FZD3: variants seen among roughly 807,000 people sequenced by gnomAD.
The protein encoded by FZD3 is frizzled class receptor 3.
FZD3 carries 30 observed loss-of-function variants against 60.7 expected under a neutral mutation model. That is an observed-to-expected ratio of 0.49 (90% CI 0.37 to 0.67). The LOEUF (loss-of-function observed/expected upper bound fraction) is 0.67. Ranked by LOEUF, FZD3 falls within the 30% of genes least tolerant of loss-of-function variation. The pLI is 0.00. For synonymous variants in FZD3, 246 were observed against 275.2 expected, an observed-to-expected ratio of 0.89 and a Z score of 1.05; for missense variants, 605 against 838.7, an observed-to-expected ratio of 0.72 and a Z score of 3.44.
chr8:28,562,927 A>C lies in FZD3; in HGVS notation c.1917A>C (p.Arg639Ser). 3.7e-6 allele frequency: 6 copies of C among 1,613,438 alleles called. No homozygotes were observed. Among genetic ancestry groups the C allele is most frequent in the Non-Finnish European group, 5.1e-6 (6 of 1,179,318 alleles). Residue 639 changes from arginine to serine, a missense_variant, in exon 8 of 8, where the codon AGA (arginine) becomes AGC (serine). Physicochemically the swap from Arg to Ser is moderately radical, Grantham distance 110 (BLOSUM62 -1). Transcript: ENST00000240093. Reference sequence around the variant, plus strand: ...AACAGTCACGACATAGCAGCATCAGAGATCTCAGTAATAATCCCATGACTC... The same window carrying C: ...AACAGTCACGACATAGCAGCATCAGCGATCTCAGTAATAATCCCATGACTC... The part of the protein sequence containing the change: ...LNEQSRHSSI[R>S]DLSNNPMTHI...
At chr8:28,523,636 T>C (rs569732075) in intron 4 of FZD3, among the ~76,000 whole-genome samples, 8 of 152,188 alleles carry the variant, frequency 5.3e-5, no homozygotes, top group African/African-American at 1.7e-4. Context: ...GGGGTCTTGC[T>C]TTGTTGCCCA....
chr8:28,545,779 G>C (rs1480614907), intron 5 of FZD3, among the ~76,000 whole-genome samples: 1 of 152,112 alleles, frequency 6.6e-6, no homozygotes, highest in Non-Finnish European at 1.5e-5. Context: ...GGCCAGAACA[G>C]TGCATATTGG....
rs1805707772 is a variant in FZD3, at chr8:28,566,467, C to G, written c.*3456C>G. On this transcript the variant is annotated 3_prime_UTR_variant, in exon 8 of 8. Coordinates refer to ENST00000240093, the MANE Select transcript of FZD3 (RefSeq NM_017412.4). ...CAAATCAACCTTTCTTTTTCTGCTG[C>G]TCTTAGAGCAGATTTATAAAAATCC... 1 of 152,106 alleles carries G rather than the reference C, an allele frequency of 6.6e-6. No individual in the cohort carries two copies. The allele number at this position is 152,106 out of a possible 1,614,324, so 9.4% of individuals were successfully genotyped here. A position where few individuals can be genotyped will look rare whatever the true frequency, so the allele number is the denominator to read the frequency against.
intron 4 of FZD3, among the ~76,000 whole-genome samples, chr8:28,525,097 C>T (rs1382732292): frequency 6.6e-6 from 1 of 152,174 alleles, no homozygotes; most frequent in Non-Finnish European, 1.5e-5. Flanking sequence ...TTTTACACTG[C>T]TCCTGGTTAC....
In FZD3 at chr8:28,553,878, A is replaced by ACTT. The variant is rs563769495; in HGVS notation, c.1554-1859_1554-1857dup. Among the ~76,000 whole-genome samples, 666 of 152,374 alleles carry ACTT rather than the reference A, an allele frequency of 4.4e-3. 3 individuals are homozygous for ACTT. The highest frequency in any genetic ancestry group is 6.8e-3 in the Non-Finnish European group (463 of 68,034). On this transcript the variant is annotated intron_variant, in intron 6 of 7. Transcript: ENST00000240093. ...TAATACTCAAAGCACTGTTCTAAGC[A>ACTT]CTTTACACATTAAATCATTTAACGC...
chr8:28,562,744 A>G (rs1805635715), intron 7 of FZD3, 54 bp from the exon 8 acceptor site: 1 of 1,029,196 alleles, frequency 9.7e-7, no homozygotes, highest in Non-Finnish European at 1.5e-6. Context: ...TATTAGTGTT[A>G]TTATATTTTC....
At chr8:28,552,384 A>G (rs1387394597) in intron 6 of FZD3, among the ~76,000 whole-genome samples, 2 of 152,230 alleles carry the variant, frequency 1.3e-5, no homozygotes, top group African/African-American at 2.4e-5. Context: ...TTACAGTGTG[A>G]TATAAGGGCA....
intron 7 of FZD3, among the ~76,000 whole-genome samples, chr8:28,560,523 T>C (rs1046850386): frequency 8.5e-5 from 13 of 152,194 alleles, no homozygotes; most frequent in African/African-American, 3.1e-4. Context: ...TTATTCAATA[T>C]AGTAAATTTT....
chr8:28,528,475 T>C (rs1447353794), intron 5 of FZD3, among the ~76,000 whole-genome samples: 1 of 152,130 alleles, frequency 6.6e-6, no homozygotes, highest in Admixed American at 6.5e-5. Flanking sequence ...CCAACGTTTA[T>C]AAAAATTTGC....
intron 5 of FZD3, among the ~76,000 whole-genome samples, chr8:28,544,541 A>G (rs1027825015): frequency 4.6e-5 from 7 of 152,208 alleles, no homozygotes; most frequent in Non-Finnish European, 8.8e-5. Context: ...CATAATATAA[A>G]TTTACATTGT....
chr8:28,541,569 C>T (rs143756661), intron 5 of FZD3, among the ~76,000 whole-genome samples: 2 of 152,168 alleles, frequency 1.3e-5, no homozygotes, highest in African/African-American at 4.8e-5. Context: ...CTCCTAGGCT[C>T]TCTGTTTTCT....
chr8:28,505,122 A>G (rs559584370), intron 3 of FZD3: 1 of 154,974 alleles, frequency 6.5e-6, no homozygotes, highest in South Asian at 2.0e-4. Flanking sequence ...ATAGCAAATG[A>G]CGTGGAAACT....
At chr8:28,519,788 C>T (rs905630689) in intron 3 of FZD3, among the ~76,000 whole-genome samples, 1 of 151,668 alleles carries the variant, frequency 6.6e-6, no homozygotes, top group Non-Finnish European at 1.5e-5. Context: ...CCTTTCCCCG[C>T]CCTCAATGCC....
At chr8:28,535,202 G>T (rs75326382) in intron 5 of FZD3, among the ~76,000 whole-genome samples, 1 of 151,932 alleles carries the variant, frequency 6.6e-6, no homozygotes, top group Non-Finnish European at 1.5e-5. Context: ...GAGTGTTCTC[G>T]CTGAAAACAG....
At chr8:28,551,574 T>C in intron 5 of FZD3, 29 bp from the exon 6 acceptor site, 1 of 1,517,020 alleles carries the variant, frequency 6.6e-7, no homozygotes, top group Non-Finnish European at 9.1e-7. Flanking sequence ...TTTTATATAT[T>C]TAAGATGCTT....
intron 3 of FZD3, among the ~76,000 whole-genome samples, chr8:28,503,514 T>C (rs1804055088): frequency 6.6e-6 from 1 of 152,204 alleles, no homozygotes; most frequent in South Asian, 2.1e-4. Flanking sequence ...GAAAAAGTTT[T>C]TGTCAATGCG....
chr8:28,499,012 A>T (rs1017494160), intron 1 of FZD3, among the ~76,000 whole-genome samples: 15 of 152,262 alleles, frequency 9.9e-5, no homozygotes, highest in Non-Finnish European at 1.5e-4. Flanking sequence ...ACAGTAGAGC[A>T]GTAGTGTATT....
chr8:28,535,693 TAGTC>T (rs1804992505), intron 5 of FZD3, among the ~76,000 whole-genome samples: 3 of 152,318 alleles, frequency 2.0e-5, no homozygotes, highest in South Asian at 4.1e-4. Context: ...ATAGTCTGAG[TAGTC>T]AGAGTAATAT....
chr8:28,523,894 G>A (rs988944602), intron 4 of FZD3, among the ~76,000 whole-genome samples: 2 of 152,134 alleles, frequency 1.3e-5, no homozygotes, highest in African/African-American at 2.4e-5. Context: ...TTATCTCAGG[G>A]AGGCATTAGT....
Sources: allele counts gnomAD v4.1 joint callset (sites outside exome capture counted in the v4.1 genomes callset), GRCh38; gene constraint gnomAD v4.1.1; transcripts MANE v1.5; gene names NCBI Gene and HGNC (gene_info 2026-07-23, HGNC 2026-07-21).